MRPL45: variants seen among roughly 807,000 people sequenced by gnomAD.
MRPL45 encodes large ribosomal subunit protein mL45.
A neutral mutation model predicts 38.1 loss-of-function variants in MRPL45; 20 were observed. The observed-to-expected ratio is 0.53, with a 90% confidence interval of 0.37 to 0.76. The LOEUF (loss-of-function observed/expected upper bound fraction) is 0.76. MRPL45 is among the 30% of genes least tolerant of loss of function. MRPL45 has a pLI of 0.00. For missense variants in MRPL45, 337 were observed against 395.6 expected (o/e 0.85, Z 1.26); for synonymous variants, 105 against 128.8 (o/e 0.82, Z 1.25).
At chr17:38,319,245 C>T (rs1391675976) in intron 5 of MRPL45, among the ~76,000 whole-genome samples, 1 of 151,830 alleles carries the variant, frequency 6.6e-6, no homozygotes, top group African/African-American at 2.4e-5. Flanking sequence ...CTGTGTTAGC[C>T]AGGATGGTCT....
At chr17:38,321,874 C>G (rs2037233263) in intron 6 of MRPL45, among the ~76,000 whole-genome samples, 1 of 150,402 alleles carries the variant, frequency 6.6e-6, no homozygotes, top group Admixed American at 6.6e-5. Flanking sequence ...CTAAAAAAGA[C>G]AAAAAAAATC....
rs2037048339 is a variant in MRPL45 at position 38,305,863 on chromosome 17, A to C, written c.363-670A>C. Among the ~76,000 whole-genome samples the C allele has an allele frequency of 3.3e-5, 5 of 151,584 alleles. No individual in the cohort carries two copies. The South Asian group carries it at 1.0e-3, about 32-fold the overall frequency. On this transcript the variant is annotated intron_variant, in intron 3 of 7. Transcript: ENST00000613675. ...TCACCCTGTTGGCTAGGCTGGTCTC[A>C]AACTCCTGACCTCAAGTGATCTACC...
Position 38,322,206 on chromosome 17 carries a change from A to G in MRPL45, c.741A>G (p.Val247=). The G allele has an allele frequency of 1.2e-6, 2 of 1,614,126 alleles. No individual in the cohort carries two copies. Among genetic ancestry groups the G allele is most frequent in the Non-Finnish European group, 1.7e-6 (2 of 1,180,024 alleles). The part of the protein sequence containing the change: ...DVPKDVLEYV[V]FEKQLTNPYG... ...CCAAGGATGTCCTGGAGTATGTTGT[A>G]TTCGAAAAGCAGTTGACAAACCCCT... Residue 247 remains valine, a synonymous_variant, in exon 7 of 8, where the codon GTA becomes GTG. Coordinates refer to ENST00000613675, the MANE Select transcript of MRPL45 (RefSeq NM_032351.6).
At chr17:38,316,340 TTC>T (rs1196638183) in intron 4 of MRPL45, among the ~76,000 whole-genome samples, 2 of 152,144 alleles carry the variant, frequency 1.3e-5, no homozygotes, top group African/African-American at 4.8e-5. Context: ...GCTCCAGAAT[TTC>T]TGTTTGGTTC....
At chr17:38,301,589 G>A (rs1261133706) in intron 3 of MRPL45, among the ~76,000 whole-genome samples, 1 of 152,140 alleles carries the variant, frequency 6.6e-6, no homozygotes, top group Non-Finnish European at 1.5e-5. Flanking sequence ...TGCTGCCTTT[G>A]CTGTGATTGT....
chr17:38,319,469 C>T (rs1408758738), intron 5 of MRPL45, among the ~76,000 whole-genome samples: 1 of 152,100 alleles, frequency 6.6e-6, no homozygotes, highest in Non-Finnish European at 1.5e-5. Context: ...CTGCGCCCTG[C>T]CTGGTTTTTC....
At chr17:38,315,309 C>G (rs1035361328) in intron 4 of MRPL45, among the ~76,000 whole-genome samples, 1 of 152,098 alleles carries the variant, frequency 6.6e-6, no homozygotes, top group African/African-American at 2.4e-5. Flanking sequence ...GGAGTGAGCA[C>G]AGTGGTGCAA....
intron 4 of MRPL45, among the ~76,000 whole-genome samples, chr17:38,313,545 C>T (rs1473728575): frequency 2.7e-5 from 4 of 150,406 alleles, no homozygotes; most frequent in Non-Finnish European, 5.9e-5. Context: ...AATAGGCATC[C>T]TCATGGGTGT....
intron 5 of MRPL45, among the ~76,000 whole-genome samples, chr17:38,319,333 C>G (rs1018744105): frequency 9.2e-5 from 14 of 151,872 alleles, no homozygotes; most frequent in African/African-American, 2.9e-4. Flanking sequence ...CCGCACCTGG[C>G]CTAATTTTGT....
rs1598968430 is a variant in MRPL45 at position 38,297,205 on chromosome 17, G to T, written c.22G>T (p.Gly8Trp). MAAPIPQ[G>W]FSCLSRFLGW... Reference sequence around the variant, plus strand: ...CAAGATGGCAGCCCCCATACCTCAAGGGTTCTCTTGTTTATCGAGGTTTTT... The same window carrying T: ...CAAGATGGCAGCCCCCATACCTCAATGGTTCTCTTGTTTATCGAGGTTTTT... Residue 8 changes from glycine (G) to tryptophan (W), a missense_variant, in exon 1 of 8, where the codon GGG becomes TGG. Transcript: ENST00000613675. 11 of 1,614,102 alleles carry T rather than the reference G, an allele frequency of 6.8e-6. 1 individual carries two copies. In the East Asian group the frequency reaches 2.5e-4, roughly 36 times the overall value.
At chr17:38,319,993 C>G (rs995935051) in intron 5 of MRPL45, among the ~76,000 whole-genome samples, 1 of 152,170 alleles carries the variant, frequency 6.6e-6, no homozygotes, top group Non-Finnish European at 1.5e-5. Context: ...GTCCCAGCTA[C>G]TCGGGAAGCT....
At chr17:38,313,129 C>T (rs1384384285) in intron 4 of MRPL45, among the ~76,000 whole-genome samples, 5 of 149,134 alleles carry the variant, frequency 3.4e-5, no homozygotes, top group Non-Finnish European at 7.4e-5. Flanking sequence ...GAACTACAGG[C>T]GCCTGCCACC....
intron 3 of MRPL45, among the ~76,000 whole-genome samples, chr17:38,299,998 C>T (rs2036976387): frequency 6.6e-6 from 1 of 151,934 alleles, no homozygotes; most frequent in African/African-American, 2.4e-5. Context: ...CCTTGGCCTC[C>T]CAAAGTGCTG....
At chr17:38,300,933 C>T (rs1258256875) in intron 3 of MRPL45, among the ~76,000 whole-genome samples, 4 of 151,816 alleles carry the variant, frequency 2.6e-5, no homozygotes, top group South Asian at 2.1e-4. Context: ...GCAACAAGGG[C>T]GAAACTCTGT....
intron 3 of MRPL45, among the ~76,000 whole-genome samples, chr17:38,300,372 C>T (rs1333701587): frequency 6.6e-6 from 1 of 152,052 alleles, no homozygotes; most frequent in Non-Finnish European, 1.5e-5. Flanking sequence ...CTATGTTGCC[C>T]AGGCTGGTCT....
chr17:38,299,469 G>T lies in MRPL45; in HGVS notation c.362+1G>T. Reference sequence around the variant, plus strand: ...AGAAGACTATGGCATCACAAGTGTCGTAGGTGTCTGAGACAATTGGGTATT... The same window carrying T: ...AGAAGACTATGGCATCACAAGTGTCTTAGGTGTCTGAGACAATTGGGTATT... On this transcript the variant is annotated splice_donor_variant, in intron 3 of 7. Transcript: ENST00000613675. LOFTEE classifies it high-confidence loss of function. The T allele has an allele frequency of 1.9e-6, 3 of 1,587,594 alleles. No homozygotes were observed. The highest frequency in any genetic ancestry group is 1.4e-5 in the African/African-American group (1 of 73,164).
intron 4 of MRPL45, 134 bp from the exon 5 acceptor site, chr17:38,318,553 A>T: frequency 1.7e-6 from 1 of 572,450 alleles, no homozygotes; most frequent in Non-Finnish European, 3.3e-6. Flanking sequence ...AGCATATTTT[A>T]TACCTGGCTT....
At chr17:38,302,530 G>C (rs1248624652) in intron 3 of MRPL45, among the ~76,000 whole-genome samples, 26 of 105,702 alleles carry the variant, frequency 2.5e-4, no homozygotes, top group African/African-American at 7.7e-4. Context: ...TTTTTTTTTA[G>C]AGTTAGCCAG....
chr17:38,313,593 C>T (rs1306697436), intron 4 of MRPL45, among the ~76,000 whole-genome samples: 3 of 150,410 alleles, frequency 2.0e-5, no homozygotes, highest in Non-Finnish European at 4.4e-5. Flanking sequence ...CTTTGTATTT[C>T]CCTAATAGCT....
Sources: gnomAD v4.1 joint callset for allele counts (sites outside exome capture counted in the v4.1 genomes callset) on GRCh38, gnomAD v4.1.1 for gene constraint, MANE v1.5 for transcripts, NCBI Gene and HGNC (gene_info 2026-07-23, HGNC 2026-07-21) for gene names.